Variants in FOXN3 observed in about 807,000 individuals in gnomAD.
The protein encoded by FOXN3 is forkhead box protein N3.
In FOXN3, 7 loss-of-function variants were observed where a neutral mutation model predicts 38.4. The ratio of observed to expected loss-of-function variants is 0.18; its 90% CI spans 0.10 to 0.34. The LOEUF (loss-of-function observed/expected upper bound fraction) is 0.34. Among genes scored for constraint, FOXN3 ranks in the 10% least tolerant of loss-of-function variants. The probability of loss-of-function intolerance (pLI) is 1.00; values close to 1 mark genes in which losing one functional copy is unlikely to be tolerated. For missense variants in FOXN3, 456 were observed against 613.4 expected, an observed-to-expected ratio of 0.74 and a Z score of 2.71; for synonymous variants, 230 against 242.2, an observed-to-expected ratio of 0.95 and a Z score of 0.47.
intron 1 of FOXN3, among the ~76,000 whole-genome samples, chr14:89,437,667 T>A (rs1167383353): frequency 6.6e-6 from 1 of 152,216 alleles, no homozygotes; most frequent in Non-Finnish European, 1.5e-5. Flanking sequence ...GAGGCATGAA[T>A]AATCCACACC....
chr14:89,250,724 C>T (rs925936373), intron 4 of FOXN3, among the ~76,000 whole-genome samples: 2 of 152,190 alleles, frequency 1.3e-5, no homozygotes, highest in Non-Finnish European at 2.9e-5. Context: ...ATTGTAGTTC[C>T]CATAATTCCC....
At chr14:89,330,373 T>A (rs1888212631) in intron 3 of FOXN3, among the ~76,000 whole-genome samples, 1 of 152,164 alleles carries the variant, frequency 6.6e-6, no homozygotes, top group African/African-American at 2.4e-5. Context: ...GAAACAGACA[T>A]CCCGCTTCTG....
chr14:89,248,820 T>A (rs72699594), intron 4 of FOXN3, among the ~76,000 whole-genome samples: 41,448 of 152,226 alleles, frequency 0.27, 6,709 homozygotes, highest in Middle Eastern at 0.4. Context: ...TGAATTTTTT[T>A]AAAGCCATTC....
intron 1 of FOXN3, among the ~76,000 whole-genome samples, chr14:89,509,594 C>G (rs1449061232): frequency 1.3e-5 from 2 of 152,232 alleles, no homozygotes; most frequent in Non-Finnish European, 2.9e-5. Flanking sequence ...CTCGGCCTCC[C>G]AAAGTGCTGG....
intron 4 of FOXN3, among the ~76,000 whole-genome samples, chr14:89,208,140 T>A (rs1888433163): frequency 6.6e-6 from 1 of 152,204 alleles, no homozygotes; most frequent in Non-Finnish European, 1.5e-5. Flanking sequence ...ATAATTATAG[T>A]TCTCTTTTTA....
At chr14:89,373,325 A>AGAC (rs1890377338) in intron 2 of FOXN3, among the ~76,000 whole-genome samples, 1 of 150,488 alleles carries the variant, frequency 6.6e-6, no homozygotes, top group Admixed American at 6.6e-5. Context: ...CAGCTTTCCA[A>AGAC]GACCTGAGTT....
At chr14:89,375,768 A>G (rs919220918) in intron 2 of FOXN3, among the ~76,000 whole-genome samples, 4 of 151,944 alleles carry the variant, frequency 2.6e-5, no homozygotes, top group Non-Finnish European at 5.9e-5. Context: ...GGTTTATCTT[A>G]TTTTATTTTA....
chr14:89,421,084 G>C (rs1442681435), upstream of FOXN3, among the ~76,000 whole-genome samples: 5 of 150,446 alleles, frequency 3.3e-5, no homozygotes, highest in Non-Finnish European at 7.4e-5. Flanking sequence ...CTGAATGTTA[G>C]AGTTATGGGA....
In FOXN3 at chr14:89,427,301, C is replaced by CTTTTTTT. The variant is rs34755821; in HGVS notation, c.-14-14818_-14-14812dup. On this transcript the variant is annotated intron_variant, in intron 1 of 6. Coordinates refer to the FOXN3 transcript ENST00000345097. ...CACAAGAGGAGGAAGGAAAAGGGGA[C>CTTTTTTT]TTTTTTTTTTTTTTTTTTTTTTGAG... 1.2e-3 allele frequency among the ~76,000 whole-genome samples: 81 copies of CTTTTTTT among 67,740 alleles called. 4 individuals are homozygous for CTTTTTTT. The highest frequency in any genetic ancestry group is 2.7e-3 in the African/African-American group (44 of 16,576). 44.4% of individuals were successfully genotyped at this position (67,740 alleles called of 152,430 possible).
At chr14:89,552,437 G>A (rs1895024582) in intron 1 of FOXN3, among the ~76,000 whole-genome samples, 2 of 152,260 alleles carry the variant, frequency 1.3e-5, no homozygotes, top group South Asian at 2.1e-4. Flanking sequence ...GTTCGCAATA[G>A]AAGCATAAAC....
chr14:89,297,776 G>A (rs997667532), intron 3 of FOXN3, among the ~76,000 whole-genome samples: 6 of 151,918 alleles, frequency 3.9e-5, no homozygotes, highest in South Asian at 2.1e-4. Flanking sequence ...CTAGGAGTTC[G>A]AGACCAGCCA....
At chr14:89,230,263 C>G (rs1884767569) in intron 4 of FOXN3, among the ~76,000 whole-genome samples, 1 of 152,216 alleles carries the variant, frequency 6.6e-6, no homozygotes, top group Admixed American at 6.5e-5. Context: ...AGGGATCTAA[C>G]TCATTGGCAG....
chr14:89,542,179 T>C (rs1378897627), intron 1 of FOXN3, among the ~76,000 whole-genome samples: 1 of 152,232 alleles, frequency 6.6e-6, no homozygotes, highest in Admixed American at 6.5e-5. Context: ...TGTGCTCTGC[T>C]ACAAGGGTTT....
chr14:89,553,238 CAAAAA>C (rs146581490), intron 1 of FOXN3, among the ~76,000 whole-genome samples: 6 of 79,022 alleles, frequency 7.6e-5, no homozygotes, highest in African/African-American at 4.6e-5. Context: ...GACCCTGTCC[CAAAAA>C]AAAAAAAAAA....
At chr14:89,302,827 C>T (rs982585869) in intron 3 of FOXN3, among the ~76,000 whole-genome samples, 11 of 152,156 alleles carry the variant, frequency 7.2e-5, no homozygotes, top group African/African-American at 2.2e-4. Context: ...TGCCCACCTC[C>T]GCCCTCTTCA....
chr14:89,618,981 A>C (rs1896545298), intron 1 of FOXN3: 1 of 152,502 alleles, frequency 6.6e-6, no homozygotes, highest in African/African-American at 2.4e-5. Context: ...TGACAATGCT[A>C]AACCCGAGCA....
intron 4 of FOXN3, among the ~76,000 whole-genome samples, chr14:89,231,240 GA>G (rs1884799727): frequency 1.3e-5 from 2 of 151,962 alleles, no homozygotes; most frequent in Non-Finnish European, 2.9e-5. Context: ...GTTCGCCAAG[GA>G]AAACTTCAGC....
At chr14:89,190,638 A>G (rs1172887041) in intron 4 of FOXN3, among the ~76,000 whole-genome samples, 1 of 152,208 alleles carries the variant, frequency 6.6e-6, no homozygotes. Flanking sequence ...TTCTAGAATG[A>G]GATTTAAGGA....
At chr14:89,405,339 G>T (rs929988950) in intron 2 of FOXN3, among the ~76,000 whole-genome samples, 1 of 152,100 alleles carries the variant, frequency 6.6e-6, no homozygotes, top group African/African-American at 2.4e-5. Context: ...GTTTCACCAT[G>T]ATGGCCAGGC....
Sources: allele counts gnomAD v4.1 joint callset (sites outside exome capture counted in the v4.1 genomes callset), GRCh38; gene constraint gnomAD v4.1.1; transcripts MANE v1.5; gene names NCBI Gene and HGNC (gene_info 2026-07-23, HGNC 2026-07-21).